The following PRIM2 variants were observed in gnomAD, a reference collection of about 807,000 sequenced individuals.
PRIM2 encodes the protein DNA primase subunit 2.
Under a neutral mutation model 67.3 loss-of-function variants are expected in PRIM2, and 39 were observed. The ratio of observed to expected loss-of-function variants is 0.58; its 90% CI spans 0.45 to 0.76. The LOEUF (loss-of-function observed/expected upper bound fraction) is 0.76. Among genes scored for constraint, PRIM2 ranks in the 30% least tolerant of loss-of-function variants. The probability of loss-of-function intolerance (pLI) is 0.00; values close to 1 mark genes in which losing one functional copy is unlikely to be tolerated. For synonymous variants in PRIM2, 143 were observed against 198.7 expected (o/e 0.72, Z 2.36); for missense variants, 398 against 598.7 (o/e 0.66, Z 3.50).
chr6:57,330,348 G>GTTTTTTTTTTTTTTTTTTTT (rs1238317111), intron 5 of PRIM2, among the ~76,000 whole-genome samples: 19 of 87,806 alleles, frequency 2.2e-4, no homozygotes, highest in African/African-American at 3.5e-4. Flanking sequence ...TGCTGAACTT[G>GTTTTTTTTTTTTTTTTTTTT]TTTTTTTTTT....
chr6:57,620,820 G>T (rs1246496327), intron 12 of PRIM2, among the ~76,000 whole-genome samples: 140 of 152,380 alleles, frequency 9.2e-4, no homozygotes, highest in African/African-American at 3.0e-3. Context: ...CCAACAATCT[G>T]CTGCCTTCAG....
At chr6:57,541,818 T>G (rs1273506716) in intron 10 of PRIM2, among the ~76,000 whole-genome samples, 1 of 152,164 alleles carries the variant, frequency 6.6e-6, no homozygotes, top group Non-Finnish European at 1.5e-5. Flanking sequence ...TTGAGAATTA[T>G]TCACATTAGG....
At chr6:57,278,697 G>T in the PRIM2 span, among the ~76,000 whole-genome samples, 8 of 152,104 alleles carry the variant, frequency 5.3e-5, no homozygotes, top group African/African-American at 1.9e-4. Context: ...TCCAAGGCAT[G>T]AAGAGTACAG....
chr6:57,565,377 G>T (rs1347386359), intron 10 of PRIM2, among the ~76,000 whole-genome samples: 8 of 148,250 alleles, frequency 5.4e-5, no homozygotes, highest in African/African-American at 7.5e-5. Flanking sequence ...TGAGGAACTG[G>T]CTCATGTGAT....
At chr6:57,339,963 A>C (rs1169412068) in intron 5 of PRIM2, among the ~76,000 whole-genome samples, 2 of 151,996 alleles carry the variant, frequency 1.3e-5, no homozygotes, top group Non-Finnish European at 2.9e-5. Context: ...CTCATCTGAC[A>C]AAGGGCTAAT....
At chr6:57,330,721 A>G (rs1290882005) in intron 5 of PRIM2, among the ~76,000 whole-genome samples, 3 of 152,074 alleles carry the variant, frequency 2.0e-5, no homozygotes, top group Admixed American at 1.3e-4. Context: ...GTCTTTCACT[A>G]TGTTGCATGG....
chr6:57,581,163 T>C (rs1776078322), intron 10 of PRIM2, among the ~76,000 whole-genome samples: 1 of 152,230 alleles, frequency 6.6e-6, no homozygotes. Flanking sequence ...GAATGCAGTA[T>C]TGGATGATGT....
intron 12 of PRIM2, among the ~76,000 whole-genome samples, chr6:57,624,017 C>T (rs1388214622): frequency 1.3e-5 from 2 of 152,054 alleles, no homozygotes; most frequent in African/African-American, 2.4e-5. Flanking sequence ...GTATAATCTT[C>T]TAAAGTAATT....
chr6:57,352,181 A>T (rs903320812), intron 5 of PRIM2, among the ~76,000 whole-genome samples: 7 of 152,126 alleles, frequency 4.6e-5, no homozygotes, highest in African/African-American at 1.7e-4. Flanking sequence ...TAATCTTGGA[A>T]CTAATTTTTT....
chr6:57,625,055 G>A (rs1195343470), intron 12 of PRIM2, among the ~76,000 whole-genome samples: 1 of 152,144 alleles, frequency 6.6e-6, no homozygotes, highest in Admixed American at 6.5e-5. Context: ...CCGCCCACAT[G>A]ATTCAATTAT....
intron 11 of PRIM2, among the ~76,000 whole-genome samples, chr6:57,605,408 C>CA (rs1436592742): frequency 6.6e-6 from 1 of 152,080 alleles, no homozygotes; most frequent in African/African-American, 2.4e-5. Context: ...TGGTCCAGGG[C>CA]TTTTTCTGGT....
At chr6:57,359,131 G>A (rs1442066478) in intron 5 of PRIM2, among the ~76,000 whole-genome samples, 7 of 152,222 alleles carry the variant, frequency 4.6e-5, no homozygotes, top group African/African-American at 1.7e-4. Context: ...GATGTGAGTG[G>A]GTTTTGGCAA....
At chr6:57,239,773 C>G in the PRIM2 span, among the ~76,000 whole-genome samples, 5 of 152,084 alleles carry the variant, frequency 3.3e-5, no homozygotes, top group African/African-American at 1.2e-4. Context: ...ATGCCACCAT[C>G]CACAAGGAGC....
chr6:57,316,686 A>G (rs1767491701), upstream of PRIM2, among the ~76,000 whole-genome samples: 1 of 152,238 alleles, frequency 6.6e-6, no homozygotes, highest in Non-Finnish European at 1.5e-5. Flanking sequence ...CACGCCTCCT[A>G]GAGGCCACGA....
At chr6:57,475,964 T>G (rs1321923328) in intron 7 of PRIM2, among the ~76,000 whole-genome samples, 1 of 152,174 alleles carries the variant, frequency 6.6e-6, no homozygotes, top group Admixed American at 6.5e-5. Flanking sequence ...ATTGTTTCTG[T>G]TTGTGATTTG....
At chr6:57,333,986 G>C (rs192826898) in intron 5 of PRIM2, among the ~76,000 whole-genome samples, 18 of 152,172 alleles carry the variant, frequency 1.2e-4, no homozygotes. Flanking sequence ...ACATCATGTT[G>C]TACAATGGGT....
chr6:57,356,637 T>C (rs1187069374), intron 5 of PRIM2, among the ~76,000 whole-genome samples: 2 of 152,204 alleles, frequency 1.3e-5, no homozygotes, highest in African/African-American at 2.4e-5. Context: ...GGGATATGTG[T>C]AAATTGTTGC....
chr6:57,514,491 C>T (rs1774439374), intron 8 of PRIM2, among the ~76,000 whole-genome samples: 1 of 152,108 alleles, frequency 6.6e-6, no homozygotes, highest in Non-Finnish European at 1.5e-5. Context: ...TTCTCATCAC[C>T]TGTTTCCAGT....
the PRIM2 span, among the ~76,000 whole-genome samples, chr6:57,306,731 G>T: frequency 2.6e-5 from 4 of 152,134 alleles, no homozygotes; most frequent in South Asian, 8.3e-4. Flanking sequence ...AGGGCCAAAG[G>T]TCCCCACCTG....
Sources: allele counts gnomAD v4.1 joint callset (sites outside exome capture counted in the v4.1 genomes callset), GRCh38; gene constraint gnomAD v4.1.1; transcripts MANE v1.5; gene names NCBI Gene and HGNC (gene_info 2026-07-23, HGNC 2026-07-21).